Variants in IMMP2L observed in about 807,000 individuals in gnomAD.
The protein encoded by IMMP2L is mitochondrial inner membrane protease subunit 2.
IMMP2L carries 18 observed loss-of-function variants against 19.3 expected under a neutral mutation model. The ratio of observed to expected loss-of-function variants is 0.93; its 90% CI spans 0.64 to 1.38. IMMP2L has a LOEUF of 1.38. IMMP2L is among the 40% of genes most tolerant of loss of function. The pLI, the probability that IMMP2L is intolerant of heterozygous loss-of-function variation, is 0.00. For synonymous variants in IMMP2L, 76 were observed against 73.0 expected, an observed-to-expected ratio of 1.04 and a Z score of -0.21; for missense variants, 233 against 218.2, an observed-to-expected ratio of 1.07 and a Z score of -0.43.
rs1808405319 is a variant in IMMP2L at position 110,870,328 on chromosome 7, C to T, written c.408+16265G>A. Among the ~76,000 whole-genome samples the T allele has an allele frequency of 6.6e-6, 1 of 152,044 alleles. No homozygotes were observed. Among genetic ancestry groups the T allele is most frequent in the African/African-American group, 2.4e-5 (1 of 41,420 alleles). Reference sequence around the variant, plus strand: ...CTTATTTCTGAACCAGAAGGCATCGCGAGTGCTAAACTCACTCACAGAACA... The same window carrying T: ...CTTATTTCTGAACCAGAAGGCATCGTGAGTGCTAAACTCACTCACAGAACA... On this transcript the variant is annotated intron_variant, in intron 5 of 5. Coordinates refer to ENST00000405709, the MANE Select transcript of IMMP2L (RefSeq NM_032549.4). The surrounding 1 kb of genome is among the most constrained non-coding windows in gnomAD (Gnocchi z 4.2).
At chr7:111,157,121 T>C (rs1804724210) in intron 3 of IMMP2L, among the ~76,000 whole-genome samples, 1 of 152,064 alleles carries the variant, frequency 6.6e-6, no homozygotes. Flanking sequence ...CTGTGCACTG[T>C]TGGTGGGAAT....
chr7:110,792,168 G>T (rs1363909276), intron 5 of IMMP2L, among the ~76,000 whole-genome samples: 6 of 151,646 alleles, frequency 4.0e-5, no homozygotes, highest in African/African-American at 1.5e-4. Flanking sequence ...AGGCAGACAG[G>T]TTTGACACGT....
intron 3 of IMMP2L, among the ~76,000 whole-genome samples, chr7:111,005,769 A>T (rs1208041181): frequency 2.0e-5 from 3 of 152,198 alleles, no homozygotes; most frequent in Non-Finnish European, 2.9e-5. Context: ...GAGAGAGTAA[A>T]GAATGCAAGT....
intron 3 of IMMP2L, among the ~76,000 whole-genome samples, chr7:111,410,702 C>T (rs1038505257): frequency 4.6e-5 from 7 of 151,470 alleles, no homozygotes; most frequent in Admixed American, 2.0e-4. Context: ...ATGAACATAA[C>T]GAGAAGACAA....
intron 3 of IMMP2L, among the ~76,000 whole-genome samples, chr7:111,195,213 A>G (rs1180333149): frequency 1.3e-5 from 2 of 152,118 alleles, no homozygotes; most frequent in Non-Finnish European, 2.9e-5. Context: ...CATAATTTCA[A>G]TTTAAACTAA....
chr7:110,743,826 C>T (rs943351197), intron 5 of IMMP2L, among the ~76,000 whole-genome samples: 14 of 152,024 alleles, frequency 9.2e-5, no homozygotes, highest in East Asian at 1.9e-4. Context: ...CAAAACTGGG[C>T]GGCCATTTGG....
chr7:111,531,634 A>G (rs2132809571), intron 1 of IMMP2L, among the ~76,000 whole-genome samples: 1 of 152,284 alleles, frequency 6.6e-6, no homozygotes. Flanking sequence ...CCTAATAACC[A>G]CAAAATTTGG....
chr7:110,701,098 T>G (rs1584543851), intron 5 of IMMP2L, among the ~76,000 whole-genome samples: 1 of 152,222 alleles, frequency 6.6e-6, no homozygotes, highest in South Asian at 2.1e-4. Flanking sequence ...ATCACACTTC[T>G]GTTATACATG....
chr7:111,081,867 T>C (rs1263010296), intron 3 of IMMP2L, among the ~76,000 whole-genome samples: 2 of 152,164 alleles, frequency 1.3e-5, no homozygotes, highest in African/African-American at 4.8e-5. Context: ...ATAAAGAATA[T>C]ACTGTAATGA....
chr7:111,079,759 A>C (rs1795734679), intron 3 of IMMP2L, among the ~76,000 whole-genome samples: 1 of 152,158 alleles, frequency 6.6e-6, no homozygotes, highest in South Asian at 2.1e-4. Context: ...CCCAAACTTC[A>C]TGTGTTGAAA....
chr7:110,827,109 G>A (rs150726844), intron 5 of IMMP2L, among the ~76,000 whole-genome samples: 4 of 152,174 alleles, frequency 2.6e-5, no homozygotes, highest in African/African-American at 9.6e-5. Flanking sequence ...AATAAAAATA[G>A]TTTTGACCTC....
chr7:111,446,928 G>A (rs4366021), intron 3 of IMMP2L, among the ~76,000 whole-genome samples: 87,575 of 143,154 alleles, frequency 0.61, 26,446 homozygotes, highest in African/African-American at 0.73. Flanking sequence ...CTCAGGAGCC[G>A]ATGCGATCAA....
chr7:110,961,393 C>T (rs1176376947), intron 4 of IMMP2L, among the ~76,000 whole-genome samples: 1 of 150,412 alleles, frequency 6.6e-6, no homozygotes, highest in Non-Finnish European at 1.5e-5. Flanking sequence ...ATTTGTTTTA[C>T]TGCATTGTTT....
chr7:110,861,129 GACAGAGACAGAGAGA>G (rs1807376813), intron 5 of IMMP2L, among the ~76,000 whole-genome samples: 4 of 144,316 alleles, frequency 2.8e-5, no homozygotes, highest in African/African-American at 1.0e-4. Context: ...GAGAGAGAGA[GACAGAGACAGAGAGA>G]CAGAGACAGA....
chr7:110,726,748 A>G (rs750591923), intron 5 of IMMP2L, among the ~76,000 whole-genome samples: 4 of 152,170 alleles, frequency 2.6e-5, no homozygotes, highest in African/African-American at 4.8e-5. Context: ...TGTCTGACCC[A>G]TGTATATGAG....
In IMMP2L at chr7:110,905,498, C is replaced by T. The variant is rs118095608; in HGVS notation, c.306-18803G>A. 5.2e-3 allele frequency among the ~76,000 whole-genome samples: 792 copies of T among 151,828 alleles called. 5 individuals are homozygous for T. The highest frequency in any genetic ancestry group is 0.014 in the Middle Eastern group (4 of 294). ...TTGTTTCAAATATATATAAGAGGAT[C>T]TAGCTGGTCTTGGGAGGTCTGCAAA... On this transcript the variant is annotated intron_variant, in intron 4 of 5. Transcript: ENST00000405709.
At chr7:111,198,392 T>C (rs1009855680) in intron 3 of IMMP2L, among the ~76,000 whole-genome samples, 4 of 152,142 alleles carry the variant, frequency 2.6e-5, no homozygotes, top group African/African-American at 9.7e-5. Context: ...TTCTGAGTCT[T>C]ATTTTCCTAA....
intron 4 of IMMP2L, among the ~76,000 whole-genome samples, chr7:110,901,782 C>G (rs1397072490): frequency 3.9e-5 from 6 of 152,050 alleles, no homozygotes; most frequent in African/African-American, 1.4e-4. Context: ...GAAATTCAAT[C>G]AGTAACATAA....
chr7:111,451,689 G>A (rs1839205231), intron 3 of IMMP2L, among the ~76,000 whole-genome samples: 2 of 146,080 alleles, frequency 1.4e-5, no homozygotes, highest in South Asian at 4.3e-4. Context: ...ATGTGCACAT[G>A]TACCCTAAAA....
Sources: allele counts gnomAD v4.1 joint callset (sites outside exome capture counted in the v4.1 genomes callset), GRCh38; gene constraint gnomAD v4.1.1; non-coding constraint Gnocchi (gnomAD v3.1); transcripts MANE v1.5; gene names NCBI Gene and HGNC (gene_info 2026-07-23, HGNC 2026-07-21).